The following APBB1IP variants were observed in gnomAD, a reference collection of about 807,000 sequenced individuals.
APBB1IP encodes the protein amyloid beta A4 precursor protein-binding family B member 1-interacting protein.
In APBB1IP, 27 loss-of-function variants were observed where a neutral mutation model predicts 64.9. The ratio of observed to expected loss-of-function variants is 0.42; its 90% confidence interval spans 0.31 to 0.57. The LOEUF (loss-of-function observed/expected upper bound fraction) is 0.57. Among genes scored for constraint, APBB1IP ranks in the 20% least tolerant of loss-of-function variants. The pLI is 0.20. For missense variants in APBB1IP, 812 were observed against 845.5 expected, an observed-to-expected ratio of 0.96 and a Z score of 0.49; for synonymous variants, 392 against 331.0, an observed-to-expected ratio of 1.18 and a Z score of -2.00.
At chr10:26,497,318 G>A (rs1467812723) in intron 4 of APBB1IP, among the ~76,000 whole-genome samples, 5 of 152,272 alleles carry the variant, frequency 3.3e-5, no homozygotes, top group South Asian at 4.1e-4. Context: ...TTGGGAGGCC[G>A]AGGTGGGCAG....
At position 26,536,220 on chromosome 10, in the gene APBB1IP, CAGA is replaced by C; in HGVS notation, c.1044+5_1044+7del. The C allele has an allele frequency of 8.6e-7, 1 of 1,160,236 alleles. No individual in the cohort carries two copies. Among genetic ancestry groups the C allele is most frequent in the Non-Finnish European group, 1.1e-6 (1 of 912,538 alleles). 71.9% of individuals were successfully genotyped at this position (1,160,236 alleles called of 1,614,324 possible). On this transcript the variant is annotated splice_donor_5th_base_variant and intron_variant, in intron 10 of 14. Transcript: ENST00000376236. ...ATGTACCCAAAGGAAAGACTAAGGT[CAGA>C]AAAAAAAAAAAAAAAGCACTTAGCA...
chr10:26,543,669 CA>C (rs1359510087), intron 11 of APBB1IP, among the ~76,000 whole-genome samples: 1 of 151,748 alleles, frequency 6.6e-6, no homozygotes, highest in South Asian at 2.1e-4. Context: ...TGGCAAAGAA[CA>C]AAAAAATATG....
chr10:26,519,600 A>G (rs1836378300), intron 8 of APBB1IP, among the ~76,000 whole-genome samples: 1 of 152,178 alleles, frequency 6.6e-6, no homozygotes, highest in Non-Finnish European at 1.5e-5. Flanking sequence ...ACAATTAGAG[A>G]TGAAATTTGG....
chr10:26,540,688 A>C (rs1172972059), intron 10 of APBB1IP, among the ~76,000 whole-genome samples: 1 of 152,212 alleles, frequency 6.6e-6, no homozygotes, highest in South Asian at 2.1e-4. Flanking sequence ...GTAAAGAAAT[A>C]TAGAAAGCGA....
chr10:26,548,935 AG>A (rs1588615599), intron 11 of APBB1IP, among the ~76,000 whole-genome samples: 1 of 152,150 alleles, frequency 6.6e-6, no homozygotes, highest in Non-Finnish European at 1.5e-5. Context: ...TTAGGGAAAA[AG>A]CTTCTAATTT....
intron 2 of APBB1IP, among the ~76,000 whole-genome samples, chr10:26,443,991 G>C (rs763389312): frequency 6.6e-6 from 1 of 152,190 alleles, no homozygotes; most frequent in African/African-American, 2.4e-5. Flanking sequence ...TACTCAATAA[G>C]CATAATAAAT....
intron 8 of APBB1IP, among the ~76,000 whole-genome samples, chr10:26,529,213 C>T (rs1307085059): frequency 2.0e-5 from 3 of 152,224 alleles, no homozygotes; most frequent in Admixed American, 1.3e-4. Flanking sequence ...GATATAATGA[C>T]TAAACGTTGA....
chr10:26,533,122 C>G (rs1239852256), intron 8 of APBB1IP, among the ~76,000 whole-genome samples: 1 of 152,164 alleles, frequency 6.6e-6, no homozygotes, highest in African/African-American at 2.4e-5. Flanking sequence ...TTGGGGACTT[C>G]CAGCTTCCAG....
At chr10:26,494,297 C>A (rs1334093199) in intron 3 of APBB1IP, among the ~76,000 whole-genome samples, 1 of 152,178 alleles carries the variant, frequency 6.6e-6, no homozygotes, top group Non-Finnish European at 1.5e-5. Context: ...GCCAGGGGCC[C>A]TAAGTGGCAG....
chr10:26,567,661 T>A lies in APBB1IP; in HGVS notation c.*173T>A. ...TTAACCCAGTAGAGTTCAGAATATC[T>A]GCCCAAATGTACATATCGTTCCCAT... On this transcript the variant is annotated 3_prime_UTR_variant, in exon 15 of 15. Transcript: ENST00000376236. 1 of 1,359,400 alleles carries A rather than the reference T, an allele frequency of 7.4e-7. No homozygotes were observed. The highest frequency in any genetic ancestry group is 9.6e-7 in the Non-Finnish European group (1 of 1,039,698). The allele number at this position is 1,359,400 out of a possible 1,614,324, so 84.2% of individuals were successfully genotyped here.
chr10:26,550,875 GT>G (rs781384702), intron 11 of APBB1IP, among the ~76,000 whole-genome samples: 9 of 152,234 alleles, frequency 5.9e-5, no homozygotes, highest in South Asian at 2.1e-4. Context: ...TTCTTTTTTA[GT>G]GGGCGTATGC....
At chr10:26,484,032 A>G (rs1193714585) in intron 2 of APBB1IP, among the ~76,000 whole-genome samples, 1 of 152,198 alleles carries the variant, frequency 6.6e-6, no homozygotes, top group Non-Finnish European at 1.5e-5. Context: ...TACAGCTGAA[A>G]CGGTGAAATT....
intron 2 of APBB1IP, among the ~76,000 whole-genome samples, chr10:26,468,902 C>T (rs1332114971): frequency 6.6e-6 from 1 of 152,164 alleles, no homozygotes; most frequent in Non-Finnish European, 1.5e-5. Context: ...CGTGTCCCCA[C>T]AGGCTTATGC....
At chr10:26,541,463 C>T in intron 10 of APBB1IP, 119 bp from the exon 11 acceptor site, 2 of 719,432 alleles carry the variant, frequency 2.8e-6, no homozygotes, top group Admixed American at 3.0e-5. Flanking sequence ...ATATAAATTA[C>T]CTAAAAGTCA....
At chr10:26,553,213 G>A (rs1217503186) in intron 11 of APBB1IP, among the ~76,000 whole-genome samples, 4 of 151,942 alleles carry the variant, frequency 2.6e-5, no homozygotes, top group Non-Finnish European at 5.9e-5. Context: ...GTAGAGACAG[G>A]GTTTCACCGT....
chr10:26,536,036 T>C, intron 9 of APBB1IP, 38 bp from the exon 10 acceptor site: 1 of 1,539,790 alleles, frequency 6.5e-7, no homozygotes, highest in African/African-American at 1.4e-5. Flanking sequence ...TGCTTTATCT[T>C]TCGTGTGTGT....
intron 3 of APBB1IP, among the ~76,000 whole-genome samples, chr10:26,494,740 A>G (rs1315017112): frequency 3.3e-5 from 5 of 152,152 alleles, no homozygotes; most frequent in Middle Eastern, 3.4e-3. Flanking sequence ...CAGGAGAATC[A>G]TTTGAACCCA....
intron 2 of APBB1IP, among the ~76,000 whole-genome samples, chr10:26,480,646 T>A (rs932241044): frequency 7.7e-6 from 1 of 130,498 alleles, no homozygotes; most frequent in Non-Finnish European, 1.6e-5. Flanking sequence ...TTTTTTTTTT[T>A]GGTAAACATG....
At position 26,567,179 on chromosome 10, in the gene APBB1IP, T is replaced by G. The variant is rs1156652551; in HGVS notation, c.1692T>G (p.Asp564Glu). 1 of 1,414,308 alleles carries G rather than the reference T, an allele frequency of 7.1e-7. No individual in the cohort carries two copies. The highest frequency in any genetic ancestry group is 9.2e-7 in the Non-Finnish European group (1 of 1,090,376). 87.6% of individuals were successfully genotyped at this position (1,414,308 alleles called of 1,614,324 possible). A position where few individuals can be genotyped will look rare whatever the true frequency, so the allele number is the denominator to read the frequency against. The change falls in exon 15 of 15, where the codon GAT (aspartate) becomes GAG (glutamate). Residue 564 changes from aspartate (D) to glutamate (E), a missense_variant. Physicochemically the swap from Asp to Glu is conservative, Grantham distance 45 (BLOSUM62 2). Coordinates refer to ENST00000376236, the MANE Select transcript of APBB1IP (RefSeq NM_019043.4). Reference protein sequence around the residue: ...LPPPPPPPPLDDPELPPPPPD... With the variant: ...LPPPPPPPPLEDPELPPPPPD... ...CGCCGCCACCGCCGCCGCCCCTCGATGACCCTGAGCTCCCGCCGCCGCCCC... is the reference window on the plus strand; with the variant it reads ...CGCCGCCACCGCCGCCGCCCCTCGAGGACCCTGAGCTCCCGCCGCCGCCCC...
Sources: gnomAD v4.1 joint callset for allele counts (sites outside exome capture counted in the v4.1 genomes callset) on GRCh38, gnomAD v4.1.1 for gene constraint, MANE v1.5 for transcripts, NCBI Gene and HGNC (gene_info 2026-07-23, HGNC 2026-07-21) for gene names.